TMEFF2: variants seen among roughly 807,000 people sequenced by gnomAD.
The protein encoded by TMEFF2 is transmembrane protein with EGF like and two follistatin like domains 2, also known as tomoregulin-2.
A neutral mutation model predicts 53.8 loss-of-function variants in TMEFF2; 28 were observed. The ratio of observed to expected loss-of-function variants is 0.52; its 90% CI spans 0.39 to 0.71. The LOEUF (loss-of-function observed/expected upper bound fraction) is 0.71, where lower values mean the gene tolerates loss of function less well. Among genes scored for constraint, TMEFF2 ranks in the 30% least tolerant of loss-of-function variants. The probability of loss-of-function intolerance (pLI) is 0.00; values close to 1 mark genes in which losing one functional copy is unlikely to be tolerated. For missense variants in TMEFF2, 353 were observed against 455.2 expected (o/e 0.78, Z 2.04); for synonymous variants, 162 against 166.3 (o/e 0.97, Z 0.20).
chr2:192,090,138 T>A (rs1390463301), intron 4 of TMEFF2, among the ~76,000 whole-genome samples: 1 of 152,188 alleles, frequency 6.6e-6, no homozygotes, highest in Non-Finnish European at 1.5e-5. Flanking sequence ...GCCTTATGAA[T>A]GATAAACTTG....
chr2:192,062,695 A>G (rs1688073171), intron 4 of TMEFF2, among the ~76,000 whole-genome samples: 1 of 152,106 alleles, frequency 6.6e-6, no homozygotes, highest in Non-Finnish European at 1.5e-5. Flanking sequence ...CTAACCTTGC[A>G]TTCCTGGGAA....
intron 7 of TMEFF2, among the ~76,000 whole-genome samples, chr2:191,985,205 A>G (rs1685947996): frequency 6.6e-6 from 1 of 152,142 alleles, no homozygotes; most frequent in Admixed American, 6.5e-5. Context: ...GAAAAAGGAA[A>G]AAAAAGAGAT....
In TMEFF2 at chr2:192,194,437, G is replaced by C; in HGVS notation, c.88C>G (p.Leu30Val). The change falls in exon 1 of 10, where the codon CTC (leucine) becomes GTC (valine). Residue 30 changes from leucine (L) to valine (V), a missense_variant. Leu to Val is a conservative substitution (Grantham distance 32). Coordinates refer to ENST00000272771, the MANE Select transcript of TMEFF2 (RefSeq NM_016192.4). This position sits in a 1 kb window ranked among gnomAD's most constrained non-coding sequence, Gnocchi z 4.2. ...AGCTTCACCGGGCGGGCTACGATGA[G>C]TAGCATGACGGGCAGCAGCAGCAGC... ...CWLLLLPVML[L>V]IVARPVKLAA... 6.2e-7 allele frequency: 1 copy of C among 1,614,180 alleles called. No homozygotes were observed. Among genetic ancestry groups the C allele is most frequent in the Non-Finnish European group, 8.5e-7 (1 of 1,180,038 alleles).
In TMEFF2 at chr2:192,026,189, A is replaced by G. The variant is rs761803447; in HGVS notation, c.537-26981T>C. ...TCTCTTGATCACACATTAGCCCAAT[A>G]GGCGTTTTATTTTAACTAAACAGGC... On this transcript the variant is annotated intron_variant, in intron 5 of 9. Coordinates refer to ENST00000272771, the MANE Select transcript of TMEFF2 (RefSeq NM_016192.4). 7.8e-4 allele frequency among the ~76,000 whole-genome samples: 118 copies of G among 152,144 alleles called. 1 individual carries two copies. The highest frequency in any genetic ancestry group is 3.2e-3 in the Middle Eastern group (1 of 316).
At position 191,999,165 on chromosome 2, in the gene TMEFF2, G is replaced by A. The variant is rs1321646596; in HGVS notation, c.580C>T (p.Leu194Phe). ...TAAGATTTCCCATCAGAAGCGCAGAGGGGATTGAAGTTGGTTTGAGAACAG... is the reference window on the plus strand; with the variant it reads ...TAAGATTTCCCATCAGAAGCGCAGAAGGGATTGAAGTTGGTTTGAGAACAG... Reference protein sequence around the residue: ...IDCSQTNFNPLCASDGKSYDN... With the variant: ...IDCSQTNFNPFCASDGKSYDN... The change falls in exon 6 of 10, where the codon CTC (leucine) becomes TTC (phenylalanine). Residue 194 changes from leucine (L) to phenylalanine (F), a missense_variant. Physicochemically the swap from Leu to Phe is conservative, Grantham distance 22. Around this residue, in one of 3 missense-constraint regions of TMEFF2, gnomAD observed 294 missense variants for 397.3 expected, o/e 0.74. Coordinates refer to ENST00000272771, the MANE Select transcript of TMEFF2 (RefSeq NM_016192.4). 1 of 1,611,440 alleles carries A rather than the reference G, an allele frequency of 6.2e-7. No individual in the cohort carries two copies. Among genetic ancestry groups the A allele is most frequent in the Admixed American group, 1.7e-5 (1 of 59,930 alleles).
intron 5 of TMEFF2, chr2:192,031,807 T>G (rs1687144812): frequency 6.6e-6 from 1 of 152,204 alleles, no homozygotes; most frequent in African/African-American, 2.4e-5. Context: ...TATGTAGTTT[T>G]TCAAGGAAGA....
chr2:192,075,320 T>TATATAAATATAA (rs1688402795), intron 4 of TMEFF2, among the ~76,000 whole-genome samples: 1 of 87,920 alleles, frequency 1.1e-5, no homozygotes, highest in African/African-American at 4.0e-5. Context: ...TATATATATA[T>TATATAAATATAA]ATATATATAT....
rs1044730136 is a variant in TMEFF2 at position 192,145,793 on chromosome 2, C to T, written c.439+33875G>A. The stretch of plus-strand genomic sequence containing the variant: ...TCATCGGTATATTTTAGGGTTGCCA[C>T]AATGATTCAATGTTTTATTCTACTT... On this transcript the variant is annotated intron_variant, in intron 4 of 9. Transcript: ENST00000272771. Among the ~76,000 whole-genome samples, 9 of 152,006 alleles carry T rather than the reference C, an allele frequency of 5.9e-5. No homozygotes were observed. In the East Asian group the frequency reaches 1.7e-3, roughly 29 times the overall value.
chr2:192,006,069 T>G (rs866896285), intron 5 of TMEFF2, among the ~76,000 whole-genome samples: 4,274 of 151,578 alleles, frequency 0.028, 207 homozygotes, highest in African/African-American at 0.098. Context: ...ACTTTTTTTT[T>G]TTTTTTTAAC....
intron 4 of TMEFF2, among the ~76,000 whole-genome samples, chr2:192,162,338 C>G (rs1455638794): frequency 1.3e-5 from 2 of 152,088 alleles, no homozygotes; most frequent in Admixed American, 6.6e-5. Flanking sequence ...TAATACCTAT[C>G]AGGAAAAAAG....
At chr2:192,097,694 T>C (rs1401857527) in intron 4 of TMEFF2, among the ~76,000 whole-genome samples, 2 of 152,226 alleles carry the variant, frequency 1.3e-5, no homozygotes, top group Non-Finnish European at 2.9e-5. Context: ...CTTCACTATG[T>C]GCCCTTTGAC....
intron 7 of TMEFF2, among the ~76,000 whole-genome samples, chr2:191,996,299 G>A (rs115415248): frequency 6.6e-6 from 1 of 151,888 alleles, no homozygotes; most frequent in African/African-American, 2.4e-5. Flanking sequence ...TTCTCAGGGA[G>A]AGGCTTGATT....
intron 4 of TMEFF2, among the ~76,000 whole-genome samples, chr2:192,066,246 T>C (rs1688167345): frequency 6.6e-6 from 1 of 151,878 alleles, no homozygotes; most frequent in Non-Finnish European, 1.5e-5. Flanking sequence ...ATACTGCATA[T>C]GTATCAGTGT....
chr2:192,089,816 A>G (rs932339463), intron 4 of TMEFF2, among the ~76,000 whole-genome samples: 2 of 152,196 alleles, frequency 1.3e-5, no homozygotes, highest in Non-Finnish European at 2.9e-5. Context: ...ATTGCTGAGA[A>G]GGTTAAATAA....
chr2:192,084,999 T>TA (rs1354860559), intron 4 of TMEFF2, among the ~76,000 whole-genome samples: 1 of 152,174 alleles, frequency 6.6e-6, no homozygotes, highest in Non-Finnish European at 1.5e-5. Context: ...TAAAAGCCCT[T>TA]AAAAATTGAA....
Position 192,181,677 on chromosome 2 carries a change from C to A in TMEFF2, c.413-1983G>T, listed in dbSNP as rs186180535. Among the ~76,000 whole-genome samples, 364 of 151,884 alleles carry A rather than the reference C, an allele frequency of 2.4e-3. 1 individual carries two copies. Among genetic ancestry groups the A allele is most frequent in the Non-Finnish European group, 4.4e-3 (295 of 67,814 alleles). Reference sequence around the variant, plus strand: ...ATGTACAGTAAACATCTTGCCTATTCATCTACGAGTATTCTAATAAATACA... The same window carrying A: ...ATGTACAGTAAACATCTTGCCTATTAATCTACGAGTATTCTAATAAATACA... On this transcript the variant is annotated intron_variant, in intron 3 of 9. Coordinates refer to ENST00000272771, the MANE Select transcript of TMEFF2 (RefSeq NM_016192.4).
intron 4 of TMEFF2, among the ~76,000 whole-genome samples, chr2:192,081,928 GTA>G (rs1365888545): frequency 1.3e-5 from 2 of 151,348 alleles, no homozygotes; most frequent in Non-Finnish European, 2.9e-5. Flanking sequence ...AGCCTCCTGA[GTA>G]TCTGGGACTA....
At chr2:192,111,929 G>A (rs1689288418) in intron 4 of TMEFF2, among the ~76,000 whole-genome samples, 1 of 152,192 alleles carries the variant, frequency 6.6e-6, no homozygotes, top group Admixed American at 6.5e-5. Flanking sequence ...TGAGCCTGTG[G>A]GTGCACAGAA....
At chr2:192,149,820 A>G (rs1574416202) in intron 4 of TMEFF2, among the ~76,000 whole-genome samples, 3 of 152,094 alleles carry the variant, frequency 2.0e-5, no homozygotes, top group South Asian at 2.1e-4. Flanking sequence ...TTTTCATACA[A>G]TTTCTTGATG....
Sources: gnomAD v4.1 joint callset for allele counts (sites outside exome capture counted in the v4.1 genomes callset) on GRCh38, gnomAD v4.1.1 for gene constraint, gnomAD v4.1.1 regional missense constraint, Gnocchi (gnomAD v3.1) non-coding constraint, MANE v1.5 for transcripts, NCBI Gene and HGNC (gene_info 2026-07-23, HGNC 2026-07-21) for gene names.